The following AHCTF1 variants were observed in gnomAD, a reference collection of about 807,000 sequenced individuals.
AHCTF1 encodes protein ELYS.
In AHCTF1, 24 loss-of-function variants were observed where a neutral mutation model predicts 248.4. That is an observed-to-expected ratio of 0.10 (90% CI 0.07 to 0.14). The LOEUF (loss-of-function observed/expected upper bound fraction) is 0.14, where lower values mean the gene tolerates loss of function less well. Ranked by LOEUF, AHCTF1 falls within the 10% of genes least tolerant of loss-of-function variation. AHCTF1 has a pLI of 1.00. For synonymous variants in AHCTF1, 786 were observed against 929.8 expected, an observed-to-expected ratio of 0.85 and a Z score of 2.81; for missense variants, 2,206 against 2,636.2, an observed-to-expected ratio of 0.84 and a Z score of 3.57.
chr1:246,877,154 T>C lies in AHCTF1; in HGVS notation c.2805+4A>G, dbSNP rs772147539. ...CTGACAAGTTTACATCGGTAAGTAA[T>C]TACCTGCTCAGTGTCTGTAAATGGT... On this transcript the variant is annotated splice_donor_region_variant and intron_variant, in intron 22 of 35. Transcript: ENST00000648844. 3.1e-6 allele frequency: 5 copies of C among 1,612,714 alleles called. No individual in the cohort carries two copies. In the Admixed American group the frequency reaches 8.3e-5, roughly 27 times the overall value.
At chr1:246,869,062 T>C (rs535375841) in intron 24 of AHCTF1, among the ~76,000 whole-genome samples, 14 of 151,794 alleles carry the variant, frequency 9.2e-5, no homozygotes, top group Non-Finnish European at 1.6e-4. Flanking sequence ...GCCAGGATGG[T>C]CTCGATCTCC....
intron 17 of AHCTF1, 28 bp downstream of exon 17, chr1:246,889,938 T>G: frequency 6.5e-7 from 1 of 1,538,290 alleles, no homozygotes; most frequent in African/African-American, 1.4e-5. Flanking sequence ...TTCTTACAGA[T>G]GTAATTTCTA....
chr1:246,921,995 G>C (rs1438406642), intron 1 of AHCTF1, among the ~76,000 whole-genome samples: 1 of 152,168 alleles, frequency 6.6e-6, no homozygotes, highest in Non-Finnish European at 1.5e-5. Flanking sequence ...AAACCATACA[G>C]AGTCTTCTTA....
chr1:246,868,989 C>T (rs532750301), intron 24 of AHCTF1, among the ~76,000 whole-genome samples: 463 of 151,320 alleles, frequency 3.1e-3, no homozygotes, highest in Middle Eastern at 0.01. Flanking sequence ...GGACTACAGG[C>T]GCCCGCCACC....
At chr1:246,851,500 A>C in intron 32 of AHCTF1, 58 bp from the exon 33 acceptor site, 1 of 1,462,382 alleles carries the variant, frequency 6.8e-7, no homozygotes, top group Non-Finnish European at 9.2e-7. Context: ...TTTTAACTTG[A>C]AGCACACAGG....
chr1:246,867,075 T>C (rs370808320), intron 26 of AHCTF1, among the ~76,000 whole-genome samples, 169 bp downstream of exon 26: 1 of 152,184 alleles, frequency 6.6e-6, no homozygotes, highest in African/African-American at 2.4e-5. Context: ...TACTACTACC[T>C]GATGTAAAAT....
chr1:246,905,630 T>C lies in AHCTF1; in HGVS notation c.792A>G (p.Gln264=), dbSNP rs2103188022. 6.2e-7 allele frequency: 1 copy of C among 1,613,054 alleles called. No homozygotes were observed. Among genetic ancestry groups the C allele is most frequent in the African/African-American group, 1.3e-5 (1 of 75,042 alleles). ...REYYIQLESG[Q]VPVYAVTFQE... ...GAAAAGTGACAGCATATACAGGAAC[T>C]TGTCCACTTTCCAATTGTATGTAAT... is the stretch of plus-strand genomic sequence containing the variant. Residue 264 remains glutamine (Q), a synonymous_variant, in exon 6 of 36, where the codon CAA becomes CAG. Coordinates refer to ENST00000648844, the MANE Select transcript of AHCTF1 (RefSeq NM_001323342.2).
chr1:246,929,650 G>GCACA (rs1278366067), intron 1 of AHCTF1, among the ~76,000 whole-genome samples: 1 of 152,192 alleles, frequency 6.6e-6, no homozygotes, highest in Non-Finnish European at 1.5e-5. Context: ...TTATTGTAGA[G>GCACA]ACCTTTGAGC....
intron 12 of AHCTF1, among the ~76,000 whole-genome samples, chr1:246,896,211 A>G (rs1377027479): frequency 6.6e-6 from 1 of 152,160 alleles, no homozygotes; most frequent in Non-Finnish European, 1.5e-5. Flanking sequence ...CCAATTCCAC[A>G]CCTAGGTATA....
chr1:246,854,967 CAT>C (rs746000634), intron 31 of AHCTF1, among the ~76,000 whole-genome samples: 3 of 152,038 alleles, frequency 2.0e-5, no homozygotes, highest in Non-Finnish European at 4.4e-5. Flanking sequence ...CGGCTTTTTA[CAT>C]GTTAGACAAT....
intron 21 of AHCTF1, among the ~76,000 whole-genome samples, chr1:246,882,984 A>G (rs1170144759): frequency 6.6e-6 from 1 of 152,258 alleles, no homozygotes; most frequent in Non-Finnish European, 1.5e-5. Context: ...AATCTATTTG[A>G]GTCCAAAGAT....
intron 35 of AHCTF1, among the ~76,000 whole-genome samples, 163 bp downstream of exon 35, chr1:246,842,531 G>A (rs533818821): frequency 7.9e-5 from 12 of 152,038 alleles, no homozygotes; most frequent in African/African-American, 2.7e-4. Flanking sequence ...GCAGTGAGCC[G>A]AAATCACACC....
At position 246,905,672 on chromosome 1, in the gene AHCTF1, T is replaced by C. The variant is rs1558266427; in HGVS notation, c.765-15A>G. 1.3e-6 allele frequency: 2 copies of C among 1,571,446 alleles called. No individual in the cohort carries two copies. Among genetic ancestry groups the C allele is most frequent in the Non-Finnish European group, 1.7e-6 (2 of 1,143,574 alleles). On this transcript the variant is annotated splice_polypyrimidine_tract_variant and intron_variant, in intron 5 of 35. Transcript: ENST00000648844. The stretch of plus-strand genomic sequence containing the variant: ...GTATGTAATATCTGAAACAAATTAG[T>C]ATATTTCATATTTTTAAGTTATTTT...
At chr1:246,920,627 G>C (rs7542895) in intron 1 of AHCTF1, among the ~76,000 whole-genome samples, 83,892 of 151,508 alleles carry the variant, frequency 0.55, 23,929 homozygotes, top group African/African-American at 0.68. Context: ...AAAATTAGCC[G>C]AGCGTGGTGG....
chr1:246,841,499 G>A (rs186766834), intron 35 of AHCTF1, among the ~76,000 whole-genome samples: 5 of 152,210 alleles, frequency 3.3e-5, no homozygotes, highest in East Asian at 1.9e-4. Flanking sequence ...ATGCATTCAC[G>A]TGTGCTTTTA....
chr1:246,919,640 G>A (rs1413379879), intron 1 of AHCTF1, among the ~76,000 whole-genome samples: 1 of 150,612 alleles, frequency 6.6e-6, no homozygotes, highest in South Asian at 2.1e-4. Flanking sequence ...TTGAACCCAG[G>A]AGGTGGAGGT....
chr1:246,861,019 A>C lies in AHCTF1; in HGVS notation c.4012T>G (p.Ser1338Ala). The C allele has an allele frequency of 6.2e-7, 1 of 1,613,950 alleles. No individual in the cohort carries two copies. Among genetic ancestry groups the C allele is most frequent in the South Asian group, 1.1e-5 (1 of 91,072 alleles). ...EDLEETVFTA[S>A]KPKSSSTALT... ...GCAGTGGAAGAGCTTTTGGGCTTAG[A>C]GGCCGTGAAAACAGTCTCTTCAAGG... Residue 1338 changes from serine (S) to alanine (A), a missense_variant, in exon 29 of 36, where the codon TCT becomes GCT. This residue lies in a region of AHCTF1 where 955 missense variants were observed against 1,055.6 expected (regional missense o/e 0.90). Transcript: ENST00000648844.
intron 14 of AHCTF1, among the ~76,000 whole-genome samples, chr1:246,894,206 A>G (rs1558254942): frequency 6.6e-6 from 1 of 152,230 alleles, no homozygotes; most frequent in African/African-American, 2.4e-5. Flanking sequence ...ATGTCTCAAA[A>G]AAAAAAATTA....
intron 21 of AHCTF1, among the ~76,000 whole-genome samples, chr1:246,883,990 C>T (rs1663637822): frequency 6.6e-6 from 1 of 152,144 alleles, no homozygotes; most frequent in African/African-American, 2.4e-5. Context: ...AGTTCCAACA[C>T]CTGCCTTTCT....
Sources: allele counts gnomAD v4.1 joint callset (sites outside exome capture counted in the v4.1 genomes callset), GRCh38; gene constraint gnomAD v4.1.1; regional missense constraint gnomAD v4.1.1; transcripts MANE v1.5; gene names NCBI Gene and HGNC (gene_info 2026-07-23, HGNC 2026-07-21).